RALYL: variants seen among roughly 807,000 people sequenced by gnomAD.
RALYL encodes the protein RNA-binding Raly-like protein.
A neutral mutation model predicts 35.1 loss-of-function variants in RALYL; 29 were observed. The ratio of observed to expected loss-of-function variants is 0.83; its 90% CI spans 0.61 to 1.13. RALYL has a LOEUF of 1.13. RALYL is among the 50% of genes most tolerant of loss of function. RALYL has a pLI of 0.00. For synonymous variants in RALYL, 120 were observed against 127.6 expected (o/e 0.94, Z 0.40); for missense variants, 359 against 360.4 (o/e 1.00, Z 0.03).
chr8:84,398,427 A>C (rs1490564193), intron 1 of RALYL, among the ~76,000 whole-genome samples: 1 of 152,128 alleles, frequency 6.6e-6, no homozygotes, highest in Non-Finnish European at 1.5e-5. Flanking sequence ...GTAAGTTTTG[A>C]AAGTTTCTTC....
intron 1 of RALYL, among the ~76,000 whole-genome samples, chr8:84,438,150 T>A (rs1262109086): frequency 1.3e-5 from 2 of 152,176 alleles, no homozygotes; most frequent in African/African-American, 4.8e-5. Context: ...ATATTCTGGA[T>A]GTTAGACCTT....
intron 1 of RALYL, among the ~76,000 whole-genome samples, chr8:84,450,681 C>G (rs1479734476): frequency 6.6e-6 from 1 of 151,734 alleles, no homozygotes; most frequent in South Asian, 2.1e-4. Flanking sequence ...TTTTTTTCTA[C>G]TTGTATTTCA....
At chr8:84,828,882 T>G (rs1830272329) in intron 4 of RALYL, 1 of 153,146 alleles carries the variant, frequency 6.5e-6, no homozygotes. Flanking sequence ...ACAGATTTCT[T>G]TGTATGCTCA....
intron 2 of RALYL, among the ~76,000 whole-genome samples, chr8:84,765,153 C>CG (rs1813613722): frequency 6.6e-6 from 1 of 152,150 alleles, no homozygotes; most frequent in South Asian, 2.1e-4. Flanking sequence ...AGACAGATCT[C>CG]TCTACAGCAC....
At position 84,587,424 on chromosome 8, in the gene RALYL, G is replaced by T. The variant is rs1221193002; in HGVS notation, c.256+57847G>T. On this transcript the variant is annotated intron_variant, in intron 2 of 8. Transcript: ENST00000521268. ...TATGTTTTCCAAATTGTGTTCCAGT[G>T]ATATTTGTTCTATAAGATAGCAGTT... Among the ~76,000 whole-genome samples, 3 of 152,246 alleles carry T rather than the reference G, an allele frequency of 2.0e-5. No homozygotes were observed. The East Asian group carries it at 5.8e-4, about 29-fold the overall frequency.
At chr8:84,258,565 A>G (rs1195913399) in intron 1 of RALYL, among the ~76,000 whole-genome samples, 5 of 152,072 alleles carry the variant, frequency 3.3e-5, no homozygotes, top group African/African-American at 9.7e-5. Context: ...AAAAAAAGGC[A>G]TTCTTTCTAT....
intron 2 of RALYL, among the ~76,000 whole-genome samples, chr8:84,748,263 G>T (rs1809133755): frequency 6.6e-6 from 1 of 152,004 alleles, no homozygotes; most frequent in African/African-American, 2.4e-5. Context: ...TAGGTCTGTA[G>T]TGGAATGTTA....
intron 2 of RALYL, among the ~76,000 whole-genome samples, chr8:84,577,553 A>G (rs776960581): frequency 1.1e-4 from 16 of 152,238 alleles, no homozygotes; most frequent in Admixed American, 3.3e-4. Context: ...TCAGAATTTT[A>G]CTAAAATAAT....
chr8:84,821,383 C>CT (rs1828494836), intron 4 of RALYL, among the ~76,000 whole-genome samples: 1 of 152,170 alleles, frequency 6.6e-6, no homozygotes, highest in African/African-American at 2.4e-5. Context: ...CAGTCTGGGA[C>CT]TTTTGCTTAC....
At chr8:84,270,122 G>T (rs768619476) in intron 1 of RALYL, among the ~76,000 whole-genome samples, 2 of 152,182 alleles carry the variant, frequency 1.3e-5, no homozygotes, top group East Asian at 3.9e-4. Context: ...CACCAGCAAC[G>T]GATTAAGTCA....
intron 1 of RALYL, among the ~76,000 whole-genome samples, chr8:84,380,704 A>C (rs1297926233): frequency 6.6e-6 from 1 of 151,916 alleles, no homozygotes. Context: ...GGCTACTTAA[A>C]ATAGGCCAGC....
chr8:84,391,092 A>T (rs1055949278), intron 1 of RALYL, among the ~76,000 whole-genome samples: 2 of 151,984 alleles, frequency 1.3e-5, no homozygotes, highest in Non-Finnish European at 2.9e-5. Flanking sequence ...TGCACCACTC[A>T]CTTAACATAT....
intron 2 of RALYL, among the ~76,000 whole-genome samples, chr8:84,727,302 G>T (rs781565289): frequency 6.6e-5 from 10 of 152,002 alleles, no homozygotes; most frequent in Non-Finnish European, 1.3e-4. Flanking sequence ...CAACAAGCCT[G>T]TAAGGAGTTA....
chr8:84,269,689 G>C (rs1287781839), intron 1 of RALYL, among the ~76,000 whole-genome samples: 1 of 152,010 alleles, frequency 6.6e-6, no homozygotes, highest in Non-Finnish European at 1.5e-5. Flanking sequence ...TAATTCTTAA[G>C]AAAGATCATC....
chr8:84,400,471 T>C (rs1406834758), intron 1 of RALYL, among the ~76,000 whole-genome samples: 1 of 152,160 alleles, frequency 6.6e-6, no homozygotes, highest in Admixed American at 6.5e-5. Flanking sequence ...AAGAAAAAGT[T>C]GAGTTCTGAA....
chr8:84,532,791 C>A (rs1339084624), intron 2 of RALYL, among the ~76,000 whole-genome samples: 1 of 151,862 alleles, frequency 6.6e-6, no homozygotes, highest in African/African-American at 2.4e-5. Flanking sequence ...ATCAGTAGTA[C>A]CAGGAAAAAT....
intron 1 of RALYL, among the ~76,000 whole-genome samples, chr8:84,289,868 A>G (rs1006030850): frequency 5.3e-5 from 8 of 152,170 alleles, no homozygotes; most frequent in African/African-American, 1.9e-4. Context: ...TATTGTACCA[A>G]GAGCTAATGA....
chr8:84,435,149 T>TAAA (rs2047563494), intron 1 of RALYL, among the ~76,000 whole-genome samples: 1 of 152,122 alleles, frequency 6.6e-6, no homozygotes, highest in Admixed American at 6.6e-5. Flanking sequence ...AGAAAGCTTT[T>TAAA]ATATTCTTTG....
chr8:84,670,965 G>A (rs1041696872), intron 2 of RALYL, among the ~76,000 whole-genome samples: 2 of 152,142 alleles, frequency 1.3e-5, no homozygotes, highest in Non-Finnish European at 2.9e-5. Context: ...TCTCATCTGA[G>A]ACAAGGCCAG....
Sources: gnomAD v4.1 joint callset for allele counts (sites outside exome capture counted in the v4.1 genomes callset) on GRCh38, gnomAD v4.1.1 for gene constraint, MANE v1.5 for transcripts, NCBI Gene and HGNC (gene_info 2026-07-23, HGNC 2026-07-21) for gene names.